Variants in CNTRL observed in about 807,000 individuals in gnomAD.
The protein encoded by CNTRL is 110 kDa centrosomal protein.
A neutral mutation model predicts 303.7 loss-of-function variants in CNTRL; 233 were observed. That is an observed-to-expected ratio of 0.77 (90% CI 0.69 to 0.86). The LOEUF is 0.86. CNTRL is among the 40% of genes least tolerant of loss of function. The pLI, the probability that CNTRL is intolerant of heterozygous loss-of-function variation, is 0.00. For missense variants in CNTRL, 2,524 were observed against 2,650.6 expected, an observed-to-expected ratio of 0.95 and a Z score of 1.05; for synonymous variants, 900 against 922.2, an observed-to-expected ratio of 0.98 and a Z score of 0.44.
intron 36 of CNTRL, among the ~76,000 whole-genome samples, chr9:121,166,427 G>A (rs959794275): frequency 6.6e-6 from 1 of 152,314 alleles, no homozygotes; most frequent in African/African-American, 2.4e-5. Context: ...GTGGTGGCTA[G>A]ACCAGAGCCC....
chr9:121,095,016 C>T lies in CNTRL; in HGVS notation c.477C>T (p.Ile159=), dbSNP rs2048829587. The change falls in exon 5 of 44, where the codon ATC becomes ATT. Residue 159 remains isoleucine (I), a splice_region_variant and synonymous_variant. Coordinates refer to ENST00000373855, the MANE Select transcript of CNTRL (RefSeq NM_007018.6). ...AACTCAACTTATCATATAACAAAAT[C>T]AGGTGAGTTATATAACAAAATCTTT... The part of the protein sequence containing the change: ...LRELNLSYNK[I]SKIEGIENMC... 6.3e-7 allele frequency: 1 copy of T among 1,595,086 alleles called. No individual in the cohort carries two copies. Among genetic ancestry groups the T allele is most frequent in the East Asian group, 2.3e-5 (1 of 43,490 alleles).
At chr9:121,108,030 C>T (rs748048332) in intron 8 of CNTRL, 35 bp downstream of exon 8, 1 of 1,398,640 alleles carries the variant, frequency 7.1e-7, no homozygotes, top group Non-Finnish European at 9.6e-7. Flanking sequence ...TGGCTGTATT[C>T]TCATAAGACA....
chr9:121,082,969 CAA>C (rs71370624), intron 2 of CNTRL, among the ~76,000 whole-genome samples: 7 of 109,856 alleles, frequency 6.4e-5, no homozygotes, highest in Middle Eastern at 4.5e-3. Flanking sequence ...GACTCCCTCT[CAA>C]AAAAAAAAAA....
chr9:121,153,336 A>G (rs1408918256), intron 26 of CNTRL, among the ~76,000 whole-genome samples: 3 of 152,104 alleles, frequency 2.0e-5, no homozygotes, highest in Non-Finnish European at 4.4e-5. Flanking sequence ...TTTTTCTTTT[A>G]TCACAGTATT....
At chr9:121,103,059 A>T (rs1241818093) in intron 7 of CNTRL, among the ~76,000 whole-genome samples, 1 of 152,240 alleles carries the variant, frequency 6.6e-6, no homozygotes, top group African/African-American at 2.4e-5. Context: ...TTTAAAGTTC[A>T]TATGGAACCA....
intron 14 of CNTRL, among the ~76,000 whole-genome samples, chr9:121,126,853 C>T (rs1362554854): frequency 2.6e-5 from 4 of 151,052 alleles, no homozygotes; most frequent in Admixed American, 6.6e-5. Flanking sequence ...TGAATTTTCG[C>T]TCTTGTTGCC....
intron 41 of CNTRL, 36 bp downstream of exon 41, chr9:121,173,545 G>A (rs766871923): frequency 5.0e-6 from 8 of 1,610,430 alleles, no homozygotes; most frequent in Non-Finnish European, 6.8e-6. Context: ...GGGTTCGTAG[G>A]ATTGACCACC....
intron 43 of CNTRL, among the ~76,000 whole-genome samples, 196 bp from the exon 44 acceptor site, chr9:121,176,967 C>A (rs1462496609): frequency 6.6e-6 from 1 of 151,990 alleles, no homozygotes; most frequent in African/African-American, 2.4e-5. Context: ...ATTGGAGGAT[C>A]TTGAATTTTA....
At position 121,177,504 on chromosome 9, in the gene CNTRL, A is replaced by C. The variant is rs2053574713; in HGVS notation, c.*318A>C. The stretch of plus-strand genomic sequence containing the variant: ...TTGAACCTACAAACTGGTAAATCTT[A>C]TTAACAAAAAGAATGTACTTAAGGC... On this transcript the variant is annotated 3_prime_UTR_variant, in exon 44 of 44. Coordinates refer to ENST00000373855, the MANE Select transcript of CNTRL (RefSeq NM_007018.6). 1 of 299,762 alleles carries C rather than the reference A, an allele frequency of 3.3e-6. No homozygotes were observed. Among genetic ancestry groups the C allele is most frequent in the Non-Finnish European group, 6.1e-6 (1 of 164,230 alleles). 18.6% of individuals were successfully genotyped at this position (299,762 alleles called of 1,614,324 possible). A position where few individuals can be genotyped will look rare whatever the true frequency, so the allele number is the denominator to read the frequency against.
At position 121,100,702 on chromosome 9, in the gene CNTRL, G is replaced by A. The variant is rs573999430; in HGVS notation, c.808+2130G>A. Among the ~76,000 whole-genome samples, 12 of 152,262 alleles carry A rather than the reference G, an allele frequency of 7.9e-5. No homozygotes were observed. The East Asian group carries it at 1.5e-3, about 20-fold the overall frequency. On this transcript the variant is annotated intron_variant, in intron 7 of 43. Transcript: ENST00000373855. ...GAGACACACATAGGCTCAAAATAAA[G>A]GGATGGAGGAAGATCTACCAAGCAA...
chr9:121,167,466 T>A, intron 36 of CNTRL, 23 bp from the exon 37 acceptor site: 1 of 1,600,604 alleles, frequency 6.2e-7, no homozygotes, highest in Non-Finnish European at 8.5e-7. Flanking sequence ...ATTAGTAGTT[T>A]CCACTTGTTC....
rs1298500379 is a variant in CNTRL, at chr9:121,162,276, G to C, written c.5423+5G>C. 6.2e-7 allele frequency: 1 copy of C among 1,609,912 alleles called. No individual in the cohort carries two copies. The highest frequency in any genetic ancestry group is 1.7e-5 in the Admixed American group (1 of 60,004). ...AAAGTTGGCACAAACCAAAAGGTGA[G>C]AGCAAGAACAAATAAGCTTGCAGGA... On this transcript the variant is annotated splice_donor_5th_base_variant and intron_variant, in intron 34 of 43. Transcript: ENST00000373855.
chr9:121,115,580 CAA>C (rs879412316), intron 11 of CNTRL, among the ~76,000 whole-genome samples: 2 of 133,364 alleles, frequency 1.5e-5, no homozygotes, highest in African/African-American at 2.8e-5. Context: ...AAACACAAGC[CAA>C]AAAAAAAAAG....
At chr9:121,081,020 G>GT (rs945577664) in intron 2 of CNTRL, among the ~76,000 whole-genome samples, 5 of 152,170 alleles carry the variant, frequency 3.3e-5, no homozygotes, top group African/African-American at 9.7e-5. Context: ...GACAAAATGG[G>GT]TATGATCTAA....
At chr9:121,125,682 A>G in intron 13 of CNTRL, 34 bp from the exon 14 acceptor site, 1 of 1,572,966 alleles carries the variant, frequency 6.4e-7, no homozygotes, top group East Asian at 2.2e-5. Context: ...TACTTTAAAA[A>G]GATATATTAT....
intron 8 of CNTRL, 92 bp downstream of exon 8, chr9:121,108,087 T>A: frequency 1.3e-6 from 1 of 775,842 alleles, no homozygotes. Context: ...CCTGACCATA[T>A]AATGGGGAAG....
rs139991416 is a variant in CNTRL, at chr9:121,167,505, C to A, written c.5672C>A (p.Thr1891Asn). 126 of 1,613,416 alleles carry A rather than the reference C, an allele frequency of 7.8e-5. 1 individual carries two copies. The African/African-American group carries it at 1.5e-3, about 19-fold the overall frequency. The change falls in exon 37 of 44, where the codon ACC (threonine) becomes AAC (asparagine). Residue 1891 changes from threonine to asparagine, a missense_variant. Thr to Asn is a moderately conservative substitution (Grantham distance 65). Coordinates refer to ENST00000373855, the MANE Select transcript of CNTRL (RefSeq NM_007018.6). ...CACCTAAAGGACCTGCTTCACACCA[C>A]CAAGCATCAGGATGTGTTGCTCAGT... ...NLAKQDLLHT[T>N]KHQDVLLSEQ...
At chr9:121,127,751 C>T (rs1219713209) in intron 14 of CNTRL, among the ~76,000 whole-genome samples, 1 of 151,604 alleles carries the variant, frequency 6.6e-6, no homozygotes, top group Non-Finnish European at 1.5e-5. Flanking sequence ...CCCATTAACT[C>T]GTCATTTACA....
chr9:121,088,907 A>G (rs1388578326), intron 3 of CNTRL, among the ~76,000 whole-genome samples: 1 of 152,254 alleles, frequency 6.6e-6, no homozygotes, highest in Non-Finnish European at 1.5e-5. Context: ...TACTTGGCCT[A>G]TGCCAGTCTT....
Sources: allele counts gnomAD v4.1 joint callset (sites outside exome capture counted in the v4.1 genomes callset), GRCh38; gene constraint gnomAD v4.1.1; transcripts MANE v1.5; gene names NCBI Gene and HGNC (gene_info 2026-07-23, HGNC 2026-07-21).